TFB1M: variants seen among roughly 807,000 people sequenced by gnomAD.
The protein encoded by TFB1M is transcription factor B1, mitochondrial.
A neutral mutation model predicts 31.1 loss-of-function variants in TFB1M; 27 were observed. The observed-to-expected ratio is 0.87, with a 90% CI of 0.64 to 1.20. The LOEUF (loss-of-function observed/expected upper bound fraction) is 1.20. Ranked by LOEUF, TFB1M falls within the 50% of genes most tolerant of loss-of-function variation. TFB1M has a pLI of 0.00. For synonymous variants in TFB1M, 166 were observed against 151.8 expected (o/e 1.09, Z -0.69); for missense variants, 394 against 418.7 (o/e 0.94, Z 0.51).
At chr6:155,254,410 C>G (rs374043224), downstream of TFB1M, 30 of 1,610,450 alleles carry the variant, frequency 1.9e-5, no homozygotes, top group Middle Eastern at 1.7e-4. Context: ...TCTCTCCCCC[C>G]CCACCCAGTG....
chr6:155,252,014 A>T (rs1225807012), downstream of TFB1M: 1 of 1,590,462 alleles, frequency 6.3e-7, no homozygotes, highest in Non-Finnish European at 8.6e-7. Context: ...GTAAGGCAAA[A>T]ATTCATTTTA....
intron 5 of TFB1M, among the ~76,000 whole-genome samples, chr6:155,280,141 C>G (rs2114725081): frequency 1.3e-5 from 2 of 152,118 alleles, no homozygotes; most frequent in Middle Eastern, 6.8e-3. Flanking sequence ...AAACATGAAA[C>G]TTAGTTTAGA....
chr6:155,250,831 CTG>C, the TFB1M span: 1 of 1,382,350 alleles, frequency 7.2e-7, no homozygotes, highest in Admixed American at 1.7e-5. Flanking sequence ...TTAGCAATGA[CTG>C]TGTGTACATC....
chr6:155,285,105 G>T, intron 5 of TFB1M, 53 bp downstream of exon 5: 2 of 1,609,124 alleles, frequency 1.2e-6, no homozygotes, highest in South Asian at 1.1e-5. Flanking sequence ...CACATCCTCA[G>T]GGGAACAAAC....
downstream of TFB1M, chr6:155,253,830 A>AAAGAGTTGTGGGCTGT: frequency 1.6e-6 from 1 of 615,932 alleles, no homozygotes; most frequent in Non-Finnish European, 2.8e-6. Context: ...AAAATCATAC[A>AAAGAGTTGTGGGCTGT]TAGAACAAGC....
At chr6:155,284,366 G>A (rs1182387542) in intron 5 of TFB1M, among the ~76,000 whole-genome samples, 3 of 152,122 alleles carry the variant, frequency 2.0e-5, no homozygotes. Flanking sequence ...CCTTATATTT[G>A]AGAGTTTTAG....
intron 5 of TFB1M, among the ~76,000 whole-genome samples, chr6:155,279,722 T>G (rs192780804): frequency 8.4e-4 from 128 of 152,364 alleles, no homozygotes; most frequent in Admixed American, 1.6e-3. Flanking sequence ...ATTAATTTCA[T>G]TGCATTTTAT....
Position 155,283,133 on chromosome 6 carries a change from C to T in TFB1M, c.666+2025G>A, listed in dbSNP as rs80278003. On this transcript the variant is annotated intron_variant, in intron 5 of 6. Transcript: ENST00000367166. Reference sequence around the variant, plus strand: ...TTGCCCTAATATGGTAAAACTACTTCAAAGCAGCAGAGAATTCTTTTAGAA... The same window carrying T: ...TTGCCCTAATATGGTAAAACTACTTTAAAGCAGCAGAGAATTCTTTTAGAA... 7.2e-3 allele frequency among the ~76,000 whole-genome samples: 1,099 copies of T among 152,222 alleles called. 19 individuals are homozygous for T. Among genetic ancestry groups the T allele is most frequent in the African/African-American group, 0.025 (1,054 of 41,528 alleles).
chr6:155,248,100 A>G, the TFB1M span: 64 of 1,614,088 alleles, frequency 4.0e-5, no homozygotes, highest in Non-Finnish European at 5.0e-5. Context: ...CGGTTCAGAG[A>G]GTGCTCAAGT....
intron 5 of TFB1M, chr6:155,260,753 TG>T (rs1784356906): frequency 2.9e-6 from 1 of 345,172 alleles, no homozygotes; most frequent in Non-Finnish European, 5.6e-6. Flanking sequence ...AGTTTTTGAA[TG>T]AGGAAAAAAA....
intron 5 of TFB1M, among the ~76,000 whole-genome samples, chr6:155,280,143 T>C (rs1052618963): frequency 1.4e-4 from 22 of 152,088 alleles, no homozygotes; most frequent in African/African-American, 5.3e-4. Flanking sequence ...ACATGAAACT[T>C]AGTTTAGAAC....
chr6:155,269,319 CTTTTCTTTT>C (rs1784815481), intron 5 of TFB1M, among the ~76,000 whole-genome samples: 1 of 98,030 alleles, frequency 1.0e-5, no homozygotes, highest in African/African-American at 4.1e-5. Flanking sequence ...CTTTTCTTTT[CTTTTCTTTT>C]TTTTTTTTTT....
chr6:155,233,688 G>A, the TFB1M span, among the ~76,000 whole-genome samples: 1 of 152,070 alleles, frequency 6.6e-6, no homozygotes, highest in Non-Finnish European at 1.5e-5. Context: ...TGAACTAAAG[G>A]CCCGGCATGG....
chr6:155,250,723 CAG>C, the TFB1M span: 9 of 1,198,608 alleles, frequency 7.5e-6, no homozygotes, highest in African/African-American at 1.2e-4. Flanking sequence ...TGTTATTCAT[CAG>C]ACACTTGGGT....
At chr6:155,242,169 C>T in the TFB1M span, among the ~76,000 whole-genome samples, 23 of 152,174 alleles carry the variant, frequency 1.5e-4, no homozygotes, top group Admixed American at 2.6e-4. Flanking sequence ...CGCAGCTCTG[C>T]GCGGACCTGA....
At chr6:155,309,313 A>G (rs1777917879) in intron 2 of TFB1M, among the ~76,000 whole-genome samples, 1 of 152,242 alleles carries the variant, frequency 6.6e-6, no homozygotes, top group South Asian at 2.1e-4. Flanking sequence ...CGTGAGATAG[A>G]GGTACAGCAG....
chr6:155,274,170 T>C (rs1785064668), intron 5 of TFB1M, among the ~76,000 whole-genome samples: 1 of 152,222 alleles, frequency 6.6e-6, no homozygotes, highest in Non-Finnish European at 1.5e-5. Context: ...TGTATCACCT[T>C]TTGTAAAATA....
chr6:155,279,506 T>C (rs1785390818), intron 5 of TFB1M, among the ~76,000 whole-genome samples: 1 of 152,116 alleles, frequency 6.6e-6, no homozygotes, highest in African/African-American at 2.4e-5. Context: ...GAATAAGAGG[T>C]GCAGGGAGGG....
downstream of TFB1M, chr6:155,253,706 C>A: frequency 2.8e-6 from 1 of 357,770 alleles, no homozygotes. Context: ...CACTGAATCT[C>A]CTCTTCCCCA....
Sources: allele counts gnomAD v4.1 joint callset (sites outside exome capture counted in the v4.1 genomes callset), GRCh38; gene constraint gnomAD v4.1.1; transcripts MANE v1.5; gene names NCBI Gene and HGNC (gene_info 2026-07-23, HGNC 2026-07-21).